LRFN2: variants seen among roughly 807,000 people sequenced by gnomAD.
LRFN2 encodes leucine-rich repeat and fibronectin type-III domain-containing protein 2.
Under a neutral mutation model 37.3 loss-of-function variants are expected in LRFN2, and 18 were observed. The ratio of observed to expected loss-of-function variants is 0.48; its 90% CI spans 0.33 to 0.72. The LOEUF is 0.72. Among genes scored for constraint, LRFN2 ranks in the 30% least tolerant of loss-of-function variants. The probability of loss-of-function intolerance (pLI) is 0.02; values close to 1 mark genes in which losing one functional copy is unlikely to be tolerated. For synonymous variants in LRFN2, 556 were observed against 466.6 expected (o/e 1.19, Z -2.47); for missense variants, 1,006 against 1,060.7 (o/e 0.95, Z 0.72).
At chr6:40,511,138 G>A (rs1022139204) in intron 1 of LRFN2, among the ~76,000 whole-genome samples, 4 of 152,128 alleles carry the variant, frequency 2.6e-5, no homozygotes, top group Non-Finnish European at 4.4e-5. Context: ...GGGAGACCTT[G>A]AGGGGGCACG....
At chr6:40,465,466 C>A (rs1428009330) in intron 1 of LRFN2, among the ~76,000 whole-genome samples, 7 of 152,184 alleles carry the variant, frequency 4.6e-5, no homozygotes, top group Non-Finnish European at 1.5e-5. Context: ...TGGCTTCTTG[C>A]CCTTCCTGCT....
intron 1 of LRFN2, among the ~76,000 whole-genome samples, chr6:40,434,395 A>T (rs1458713266): frequency 6.6e-6 from 1 of 152,156 alleles, no homozygotes; most frequent in Non-Finnish European, 1.5e-5. Context: ...AATGATAGCC[A>T]GTTGAGTTGG....
At chr6:40,443,497 C>T (rs866643928) in intron 1 of LRFN2, among the ~76,000 whole-genome samples, 22 of 152,128 alleles carry the variant, frequency 1.4e-4, no homozygotes, top group African/African-American at 5.1e-4. Context: ...GGCCTATATG[C>T]CATCTTATCC....
chr6:40,536,113 G>A (rs1766444766), intron 1 of LRFN2, among the ~76,000 whole-genome samples: 1 of 152,130 alleles, frequency 6.6e-6, no homozygotes, highest in South Asian at 2.1e-4. Context: ...GGCAGAGCAG[G>A]AGACCCGGAA....
chr6:40,533,679 G>T (rs992725562), intron 1 of LRFN2, among the ~76,000 whole-genome samples: 19 of 152,174 alleles, frequency 1.2e-4, no homozygotes, highest in Non-Finnish European at 2.9e-5. Context: ...GTAGCCCTTA[G>T]ATGTGGGAAC....
intron 1 of LRFN2, among the ~76,000 whole-genome samples, chr6:40,557,091 AT>A (rs1301692277): frequency 1.3e-5 from 2 of 152,128 alleles, no homozygotes; most frequent in Non-Finnish European, 2.9e-5. Context: ...CTCTGCCACA[AT>A]GCAAAGACTT....
Position 40,472,660 on chromosome 6 carries a change from C to T in LRFN2, c.-18-39529G>A, listed in dbSNP as rs111634379. Among the ~76,000 whole-genome samples the T allele has an allele frequency of 5.6e-3, 855 of 152,298 alleles. 8 individuals carry two copies. Among genetic ancestry groups the T allele is most frequent in the Middle Eastern group, 0.027 (8 of 294 alleles). On this transcript the variant is annotated intron_variant, in intron 1 of 2. Transcript: ENST00000338305. ...CTCAAGCCACTTCAGAAGCTGCATC[C>T]TATGCTTCCAGGGAGATCCTACGGG...
At chr6:40,494,983 G>A (rs1056277934) in intron 1 of LRFN2, among the ~76,000 whole-genome samples, 1 of 152,032 alleles carries the variant, frequency 6.6e-6, no homozygotes, top group Non-Finnish European at 1.5e-5. Flanking sequence ...CCCAACCCTG[G>A]TTAAACCCAA....
At chr6:40,534,241 C>T (rs1766407089) in intron 1 of LRFN2, among the ~76,000 whole-genome samples, 1 of 152,212 alleles carries the variant, frequency 6.6e-6, no homozygotes, top group Non-Finnish European at 1.5e-5. Flanking sequence ...TCCATCCTCT[C>T]ACTGTGAGAT....
intron 1 of LRFN2, among the ~76,000 whole-genome samples, chr6:40,487,425 A>T (rs557353211): frequency 6.6e-6 from 1 of 152,340 alleles, no homozygotes; most frequent in East Asian, 1.9e-4. Context: ...CAGGGCGTCA[A>T]TGAGTTCTTG....
chr6:40,418,384 T>TC (rs897849337), intron 2 of LRFN2, among the ~76,000 whole-genome samples: 1 of 152,016 alleles, frequency 6.6e-6, no homozygotes, highest in Non-Finnish European at 1.5e-5. Context: ...TTTTCATCTC[T>TC]CCCCCCAGTA....
intron 1 of LRFN2, among the ~76,000 whole-genome samples, chr6:40,469,033 G>A (rs1297382608): frequency 1.3e-5 from 2 of 152,192 alleles, no homozygotes; most frequent in East Asian, 1.9e-4. Context: ...ATTTCCAGAT[G>A]TAATTTAGTT....
chr6:40,568,699 C>CCTTCCTTT (rs1309746149), intron 1 of LRFN2, among the ~76,000 whole-genome samples: 1 of 149,990 alleles, frequency 6.7e-6, no homozygotes, highest in Non-Finnish European at 1.5e-5. Context: ...TTCCTTCCTT[C>CCTTCCTTT]CTTCCTTCCT....
chr6:40,579,111 G>A (rs1890997), intron 1 of LRFN2, among the ~76,000 whole-genome samples: 76,071 of 152,042 alleles, frequency 0.5, 19,673 homozygotes, highest in African/African-American at 0.61. Flanking sequence ...GCGATTGCAA[G>A]CACAATCCCT....
At chr6:40,544,517 G>A (rs767946966) in intron 1 of LRFN2, among the ~76,000 whole-genome samples, 5 of 152,114 alleles carry the variant, frequency 3.3e-5, no homozygotes, top group Non-Finnish European at 7.4e-5. Context: ...GGCCACAGAC[G>A]TTTGCTTCCA....
At chr6:40,570,091 G>T (rs750340307) in intron 1 of LRFN2, among the ~76,000 whole-genome samples, 22 of 152,082 alleles carry the variant, frequency 1.4e-4, no homozygotes, top group Non-Finnish European at 2.8e-4. Flanking sequence ...TGTGGGTAGG[G>T]CTCAGGCATC....
At chr6:40,521,090 G>A (rs1766052155) in intron 1 of LRFN2, among the ~76,000 whole-genome samples, 1 of 152,192 alleles carries the variant, frequency 6.6e-6, no homozygotes, top group Non-Finnish European at 1.5e-5. Context: ...TAGAGTCAGA[G>A]AGGACTGTGC....
chr6:40,421,347 C>G (rs1763225318), intron 2 of LRFN2, among the ~76,000 whole-genome samples: 1 of 152,180 alleles, frequency 6.6e-6, no homozygotes, highest in African/African-American at 2.4e-5. Context: ...GACACGTGCC[C>G]AAGGTAGTCT....
At chr6:40,471,776 C>T (rs1166443222) in intron 1 of LRFN2, among the ~76,000 whole-genome samples, 3 of 152,178 alleles carry the variant, frequency 2.0e-5, no homozygotes, top group African/African-American at 7.2e-5. Context: ...TTGTATTACA[C>T]TAAGAGAGGT....
Sources: gnomAD v4.1 joint callset for allele counts (sites outside exome capture counted in the v4.1 genomes callset) on GRCh38, gnomAD v4.1.1 for gene constraint, MANE v1.5 for transcripts, NCBI Gene and HGNC (gene_info 2026-07-23, HGNC 2026-07-21) for gene names.